DKK4: variants seen among roughly 807,000 people sequenced by gnomAD.
DKK4 encodes the protein dickkopf Wnt signaling pathway inhibitor 4, also known as dickkopf-related protein 4.
Under a neutral mutation model 14.5 loss-of-function variants are expected in DKK4, and 15 were observed. The observed-to-expected ratio is 1.03, with a 90% CI of 0.69 to 1.59. DKK4 has a LOEUF of 1.59. DKK4 is among the 40% of genes most tolerant of loss of function. DKK4 has a pLI of 0.00. For synonymous variants in DKK4, 89 were observed against 105.2 expected (o/e 0.85, Z 0.94); for missense variants, 272 against 280.3 (o/e 0.97, Z 0.21).
Position 42,377,154 on chromosome 8 carries a change from CTGTT to C in DKK4, c.-113_-110del, listed in dbSNP as rs1233135845. 5.9e-5 allele frequency: 46 copies of C among 784,352 alleles called. No homozygotes were observed. Among genetic ancestry groups the C allele is most frequent in the Non-Finnish European group, 8.0e-5 (39 of 489,972 alleles). 48.6% of individuals were successfully genotyped at this position (784,352 alleles called of 1,614,324 possible). On this transcript the variant is annotated 5_prime_UTR_variant, in exon 1 of 4. Transcript: ENST00000220812. ...CTAAGCTGGCAGCTCAGCACGTCGT[CTGTT>C]TGTCACTGCTTTTTCTGAAAGAAGT...
chr8:42,380,799 AAAG>A (rs1824663820), upstream of DKK4, among the ~76,000 whole-genome samples: 1 of 135,484 alleles, frequency 7.4e-6, no homozygotes, highest in African/African-American at 3.3e-5. Flanking sequence ...GAAGAAAGAA[AAAG>A]AAAAGGAAGG....
the DKK4 span, among the ~76,000 whole-genome samples, chr8:42,383,740 C>T: frequency 2.0e-5 from 3 of 152,202 alleles, no homozygotes; most frequent in South Asian, 2.1e-4. Context: ...GTCAGGAGCT[C>T]GAGACCAGAC....
chr8:42,388,055 C>T, the DKK4 span, among the ~76,000 whole-genome samples: 2 of 152,112 alleles, frequency 1.3e-5, no homozygotes, highest in African/African-American at 4.8e-5. Context: ...GCCACCATCA[C>T]CCTCAGCTAA....
the DKK4 span, among the ~76,000 whole-genome samples, chr8:42,385,731 T>C: frequency 6.6e-6 from 1 of 152,236 alleles, no homozygotes; most frequent in African/African-American, 2.4e-5. Context: ...TCCCATGGAA[T>C]AGCACTGTCC....
chr8:42,378,989 G>A (rs1380948040), upstream of DKK4, among the ~76,000 whole-genome samples: 5 of 148,864 alleles, frequency 3.4e-5, no homozygotes, highest in African/African-American at 5.0e-5. Flanking sequence ...GGTGGCTGAC[G>A]CCTGTAATCT....
At chr8:42,380,940 C>T (rs145352501), upstream of DKK4, among the ~76,000 whole-genome samples, 786 of 151,544 alleles carry the variant, frequency 5.2e-3, 5 homozygotes, top group South Asian at 0.016. Flanking sequence ...AAGGAAAGAA[C>T]GAACAAACGA....
At chr8:42,384,743 A>AGG in the DKK4 span, among the ~76,000 whole-genome samples, 2 of 152,056 alleles carry the variant, frequency 1.3e-5, no homozygotes, top group African/African-American at 4.8e-5. Context: ...GCCCACAACG[A>AGG]GGGGGCTGCA....
At position 42,375,063 on chromosome 8, in the gene DKK4, T is replaced by G. The variant is rs1824531806; in HGVS notation, c.263-150A>C. ...GATTTCTGGAACATGTGCTAAATAT[T>G]TACATGCTCGCATGTGGCAGAGAAA... is the stretch of plus-strand genomic sequence containing the variant. On this transcript the variant is annotated intron_variant, in intron 2 of 3. Transcript: ENST00000220812. 7 of 780,378 alleles carry G rather than the reference T, an allele frequency of 9.0e-6. No homozygotes were observed. The Admixed American group carries it at 2.0e-4, about 23-fold the overall frequency. The allele number at this position is 780,378 out of a possible 1,614,324, so 48.3% of individuals were successfully genotyped here.
chr8:42,382,436 T>TG, the DKK4 span, among the ~76,000 whole-genome samples: 1 of 152,074 alleles, frequency 6.6e-6, no homozygotes, highest in Non-Finnish European at 1.5e-5. Context: ...GTGAAGCAGG[T>TG]GTGGAGAGGA....
chr8:42,384,016 C>G, the DKK4 span, among the ~76,000 whole-genome samples: 2 of 152,192 alleles, frequency 1.3e-5, no homozygotes, highest in Non-Finnish European at 2.9e-5. Flanking sequence ...CCCGCACCCC[C>G]CTACCCTGTT....
upstream of DKK4, among the ~76,000 whole-genome samples, chr8:42,379,582 A>T (rs1032243024): frequency 6.6e-6 from 1 of 151,880 alleles, no homozygotes; most frequent in Non-Finnish European, 1.5e-5. Flanking sequence ...TGGAGGACTT[A>T]TGAAGATATA....
chr8:42,383,442 T>A, the DKK4 span, among the ~76,000 whole-genome samples: 1 of 152,258 alleles, frequency 6.6e-6, no homozygotes, highest in Non-Finnish European at 1.5e-5. Flanking sequence ...GTTGCTCAGC[T>A]CCAGGAGGCA....
At chr8:42,379,378 TAGAGAGAGAGAGAGAGAG>T (rs537441477), upstream of DKK4, among the ~76,000 whole-genome samples, 28 of 34,552 alleles carry the variant, frequency 8.1e-4, no homozygotes, top group African/African-American at 1.9e-3. Context: ...TATATATATA[TAGAGAGAGAGAGAGAGAG>T]AGAGAGAGAG....
chr8:42,384,319 T>G, the DKK4 span, among the ~76,000 whole-genome samples: 3 of 152,086 alleles, frequency 2.0e-5, no homozygotes, highest in African/African-American at 7.2e-5. Flanking sequence ...ATTTTTGTAT[T>G]TTTTGTGGAG....
chr8:42,381,680 C>T (rs913927055), upstream of DKK4, among the ~76,000 whole-genome samples: 1 of 152,190 alleles, frequency 6.6e-6, no homozygotes, highest in Non-Finnish European at 1.5e-5. Flanking sequence ...CTGCAATTGC[C>T]TACTTCTTTG....
chr8:42,387,502 T>C, the DKK4 span, among the ~76,000 whole-genome samples: 1 of 151,790 alleles, frequency 6.6e-6, no homozygotes, highest in African/African-American at 2.4e-5. Flanking sequence ...GGATTACAGG[T>C]GCCCTCCACC....
At chr8:42,383,851 A>G in the DKK4 span, among the ~76,000 whole-genome samples, 67 of 152,282 alleles carry the variant, frequency 4.4e-4, no homozygotes, top group African/African-American at 1.6e-3. Context: ...GGTGAGGCAG[A>G]AGAATCACTT....
chr8:42,375,904 G>C, intron 1 of DKK4, 74 bp from the exon 2 acceptor site: 2 of 1,541,986 alleles, frequency 1.3e-6, no homozygotes, highest in Non-Finnish European at 1.8e-6. Flanking sequence ...ATTGAAGGCA[G>C]GAGGCGGAGG....
At chr8:42,376,290 A>G (rs1449850977) in intron 1 of DKK4, among the ~76,000 whole-genome samples, 1 of 152,312 alleles carries the variant, frequency 6.6e-6, no homozygotes, top group Admixed American at 6.5e-5. Context: ...TTGATTTTCA[A>G]TGATGCCTCA....
Sources: gnomAD v4.1 joint callset for allele counts (sites outside exome capture counted in the v4.1 genomes callset) on GRCh38, gnomAD v4.1.1 for gene constraint, MANE v1.5 for transcripts, NCBI Gene and HGNC (gene_info 2026-07-23, HGNC 2026-07-21) for gene names.